GLOD4: variants seen among roughly 807,000 people sequenced by gnomAD.
GLOD4 encodes glyoxalase domain-containing protein 4.
In GLOD4, 44 loss-of-function variants were observed where a neutral mutation model predicts 39.1. The observed-to-expected ratio is 1.13, with a 90% CI of 0.88 to 1.45. The LOEUF (loss-of-function observed/expected upper bound fraction) is 1.45, where lower values mean the gene tolerates loss of function less well. Among genes scored for constraint, GLOD4 ranks in the 40% most tolerant of loss-of-function variants. The pLI is 0.00. For synonymous variants in GLOD4, 145 were observed against 135.0 expected (o/e 1.07, Z -0.52); for missense variants, 405 against 366.4 (o/e 1.11, Z -0.86).
At chr17:780,309 G>C (rs1909669248) in intron 1 of GLOD4, among the ~76,000 whole-genome samples, 1 of 152,138 alleles carries the variant, frequency 6.6e-6, no homozygotes, top group Admixed American at 6.5e-5. Context: ...CCATCTTACT[G>C]CAGCATAAAA....
intron 6 of GLOD4, 67 bp from the exon 7 acceptor site, chr17:770,224 C>T: frequency 1.2e-6 from 1 of 858,114 alleles, no homozygotes; most frequent in South Asian, 1.4e-5. Flanking sequence ...CCTCGTCAGT[C>T]CTAGAGGAGT....
At chr17:780,989 C>T (rs1448860479) in intron 1 of GLOD4, among the ~76,000 whole-genome samples, 1 of 143,866 alleles carries the variant, frequency 7.0e-6, no homozygotes, top group Non-Finnish European at 1.5e-5. Flanking sequence ...GGTGCGATCT[C>T]GGCTCACTGC....
intron 1 of GLOD4, 27 bp downstream of exon 1, chr17:782,139 C>T (rs1244618439): frequency 1.3e-6 from 2 of 1,548,364 alleles, no homozygotes; most frequent in South Asian, 2.4e-5. Context: ...GCCTCGCGCG[C>T]CAGCCCCTGT....
chr17:782,307 G>C (rs780871814), upstream of GLOD4: 17 of 1,611,178 alleles, frequency 1.1e-5, no homozygotes, highest in African/African-American at 2.7e-5. Context: ...AGTCCACGAA[G>C]GGCGCCACGG....
At chr17:763,623 TAGAG>T (rs767880912) in intron 8 of GLOD4, 8 of 152,196 alleles carry the variant, frequency 5.3e-5, no homozygotes, top group African/African-American at 1.2e-4. Context: ...TTAGTATAAA[TAGAG>T]AGTTCATCTG....
intron 8 of GLOD4, among the ~76,000 whole-genome samples, chr17:767,983 T>C (rs1288656795): frequency 8.8e-6 from 1 of 114,134 alleles, no homozygotes. Flanking sequence ...TTAGAAGAAA[T>C]CTGGAGAGGA....
intron 8 of GLOD4, among the ~76,000 whole-genome samples, chr17:768,164 TGAGA>T (rs530629345): frequency 7.0e-6 from 1 of 142,398 alleles, no homozygotes; most frequent in Non-Finnish European, 1.5e-5. Context: ...GGAGAGGACG[TGAGA>T]GAGAGAAACG....
At chr17:781,935 G>A (rs1361953380) in intron 1 of GLOD4, 13 of 518,156 alleles carry the variant, frequency 2.5e-5, no homozygotes, top group Middle Eastern at 5.1e-4. Context: ...TTAAATGAAA[G>A]GACGTGCGTG....
Position 769,952 on chromosome 17 carries a change from C to T in GLOD4, c.748G>A (p.Gly250Arg), listed in dbSNP as rs1485781475. Residue 250 changes from glycine (G) to arginine (R), a missense_variant, in exon 8 of 9, where the codon GGA becomes AGA. Gly to Arg is a moderately radical substitution (Grantham distance 125, BLOSUM62 -2). Coordinates refer to ENST00000301329, the MANE Select transcript of GLOD4 (RefSeq NM_016080.4). ...TCCCCGACAAAGCAAATTTCATGTC[C>T]GTCCTACACCAATAAAGAGAAAAGA... ...VQVVILADPD[G>R]HEICFVGDEA... 7.5e-6 allele frequency: 12 copies of T among 1,605,220 alleles called. No individual in the cohort carries two copies. The South Asian group carries it at 7.7e-5, about 10-fold the overall frequency.
intron 1 of GLOD4, 32 bp from the exon 2 acceptor site, chr17:778,776 G>A: frequency 7.1e-7 from 1 of 1,411,400 alleles, no homozygotes; most frequent in Non-Finnish European, 1.0e-6. Context: ...ATTGTGAAGT[G>A]TTGCTAGTAC....
chr17:770,070 C>A lies in GLOD4; in HGVS notation c.718G>T (p.Val240Leu), dbSNP rs758806415. 24 of 1,610,462 alleles carry A rather than the reference C, an allele frequency of 1.5e-5. No individual in the cohort carries two copies. The highest frequency in any genetic ancestry group is 1.9e-5 in the Non-Finnish European group (22 of 1,176,814). The change falls in exon 7 of 9, where the codon GTA (valine) becomes TTA (leucine). Residue 240 changes from valine (V) to leucine (L), a missense_variant. By Grantham distance (32) the Val-to-Leu change is conservative (BLOSUM62 1). Coordinates refer to ENST00000301329, the MANE Select transcript of GLOD4 (RefSeq NM_016080.4). ...GGGTCGGCCAGAATGACCACCTGTA[C>A]TGTTGCTTTCCCTGGGGTGTCCAGG... ...VSLDTPGKAT[V>L]QVVILADPDG...
rs1041837102 is a variant in GLOD4, at chr17:769,721, A to G, written c.831+148T>C. On this transcript the variant is annotated intron_variant, in intron 8 of 8. Coordinates refer to ENST00000301329, the MANE Select transcript of GLOD4 (RefSeq NM_016080.4). The stretch of plus-strand genomic sequence containing the variant: ...AGTCTACACAGGTGGCAGTGAAGAC[A>G]TCGGTCCTTGGCTGAGGTCAACCCA... 7 of 642,170 alleles carry G rather than the reference A, an allele frequency of 1.1e-5. 1 individual carries two copies. Among genetic ancestry groups the G allele is most frequent in the Non-Finnish European group, 2.0e-5 (7 of 356,474 alleles). The allele number at this position is 642,170 out of a possible 1,614,324, so 39.8% of individuals were successfully genotyped here.
chr17:778,811 C>A, intron 1 of GLOD4, 67 bp from the exon 2 acceptor site: 1 of 850,832 alleles, frequency 1.2e-6, no homozygotes, highest in Non-Finnish European at 1.9e-6. Context: ...TTAGCACAGA[C>A]TAAAATGTCA....
At chr17:771,714 A>T (rs568958427) in intron 4 of GLOD4, among the ~76,000 whole-genome samples, 126 of 152,240 alleles carry the variant, frequency 8.3e-4, no homozygotes, top group Non-Finnish European at 1.5e-3. Context: ...TGAAAACTTT[A>T]AAAAAATTGG....
At chr17:765,523 G>A (rs1459555756) in intron 8 of GLOD4, among the ~76,000 whole-genome samples, 7 of 147,524 alleles carry the variant, frequency 4.7e-5, no homozygotes, top group African/African-American at 7.3e-5. Flanking sequence ...AGGAGAAACT[G>A]TCAGGAAGAT....
chr17:772,972 G>A (rs1908243861), intron 4 of GLOD4, among the ~76,000 whole-genome samples: 1 of 151,528 alleles, frequency 6.6e-6, no homozygotes, highest in African/African-American at 2.4e-5. Flanking sequence ...TCTAGCCTGG[G>A]CGACAGAGCG....
rs895598815 is a variant in GLOD4, at chr17:760,299, A to G, written c.832-61T>C. The G allele has an allele frequency of 1.8e-5, 16 of 876,054 alleles. No individual in the cohort carries two copies. In the Admixed American group the frequency reaches 2.7e-4, roughly 15 times the overall value. 54.3% of individuals were successfully genotyped at this position (876,054 alleles called of 1,614,324 possible). On this transcript the variant is annotated intron_variant, in intron 8 of 8. Transcript: ENST00000301329. ...GCCTGAAAAACAAAAGACATAGCCC[A>G]CTTTATATCTCACTGTACTGACCAC...
upstream of GLOD4, among the ~76,000 whole-genome samples, chr17:785,420 A>G (rs1280068300): frequency 6.6e-6 from 1 of 152,150 alleles, no homozygotes; most frequent in Non-Finnish European, 1.5e-5. Flanking sequence ...TATATAATGT[A>G]TATATAATTT....
At chr17:776,769 G>A in intron 3 of GLOD4, 99 bp downstream of exon 3, 1 of 893,826 alleles carries the variant, frequency 1.1e-6, no homozygotes, top group Non-Finnish European at 1.8e-6. Context: ...CTGCTCAAAT[G>A]TTATCTCTTC....
Sources: allele counts gnomAD v4.1 joint callset (sites outside exome capture counted in the v4.1 genomes callset), GRCh38; gene constraint gnomAD v4.1.1; transcripts MANE v1.5; gene names NCBI Gene and HGNC (gene_info 2026-07-23, HGNC 2026-07-21).